Variants in PDE11A observed in about 807,000 individuals in gnomAD.
PDE11A encodes phosphodiesterase 11A.
A neutral mutation model predicts 100.5 loss-of-function variants in PDE11A; 100 were observed. That is an observed-to-expected ratio of 1.00 (90% CI 0.85 to 1.18). The LOEUF is 1.18. PDE11A is among the 50% of genes most tolerant of loss of function. The pLI is 0.00. For synonymous variants in PDE11A, 381 were observed against 420.8 expected (o/e 0.91, Z 1.16); for missense variants, 1,141 against 1,152.6 (o/e 0.99, Z 0.15).
chr2:177,835,745 C>T (rs1275805091), intron 6 of PDE11A, among the ~76,000 whole-genome samples: 1 of 152,198 alleles, frequency 6.6e-6, no homozygotes, highest in Non-Finnish European at 1.5e-5. Context: ...TGGGCGTGGG[C>T]TCCGCGGGCC....
At chr2:177,652,834 T>C (rs1468936770) in intron 19 of PDE11A, among the ~76,000 whole-genome samples, 1 of 152,246 alleles carries the variant, frequency 6.6e-6, no homozygotes, top group Non-Finnish European at 1.5e-5. Flanking sequence ...AGTTGTCTTT[T>C]GTTTCCTGCC....
At chr2:177,860,488 G>A (rs1323406411) in intron 5 of PDE11A, among the ~76,000 whole-genome samples, 1 of 151,868 alleles carries the variant, frequency 6.6e-6, no homozygotes, top group East Asian at 1.9e-4. Flanking sequence ...AGCTCAGGAA[G>A]AGATGGCTTC....
chr2:177,720,054 C>T (rs1345787872), intron 12 of PDE11A, among the ~76,000 whole-genome samples: 1 of 151,932 alleles, frequency 6.6e-6, no homozygotes, highest in East Asian at 1.9e-4. Flanking sequence ...GGGTGGATCA[C>T]GGTGGTCAGA....
chr2:177,889,849 A>G (rs1165407834), intron 4 of PDE11A, among the ~76,000 whole-genome samples: 1 of 151,688 alleles, frequency 6.6e-6, no homozygotes, highest in African/African-American at 2.4e-5. Context: ...ATCTCATTTC[A>G]TGGAAAACTT....
At chr2:178,007,798 G>A (rs71423541) in intron 2 of PDE11A, among the ~76,000 whole-genome samples, 8,458 of 152,028 alleles carry the variant, frequency 0.056, 297 homozygotes, top group South Asian at 0.093. Context: ...TCTGCCTCCC[G>A]GGTTCAAGCA....
chr2:178,011,992 T>A (rs1267000175), intron 2 of PDE11A: 3 of 152,268 alleles, frequency 2.0e-5, no homozygotes, highest in African/African-American at 7.2e-5. Flanking sequence ...AGATTTTGTC[T>A]TCTGCTTTTC....
chr2:178,095,375 C>T (rs986983012), intron 2 of PDE11A, among the ~76,000 whole-genome samples: 3 of 152,220 alleles, frequency 2.0e-5, no homozygotes, highest in Admixed American at 2.0e-4. Context: ...AAAATGATCT[C>T]CTTTGACTTC....
At chr2:178,042,356 T>C (rs1320542864) in intron 1 of PDE11A, among the ~76,000 whole-genome samples, 1 of 151,968 alleles carries the variant, frequency 6.6e-6, no homozygotes, top group Non-Finnish European at 1.5e-5. Context: ...CACACATTTG[T>C]AGTCCCAGCT....
rs146448234 is a variant in PDE11A at position 177,700,153 on chromosome 2, C to T, written c.2244+968G>A. 4.0e-3 allele frequency among the ~76,000 whole-genome samples: 608 copies of T among 152,228 alleles called. 5 individuals are homozygous for T. Among genetic ancestry groups the T allele is most frequent in the Middle Eastern group, 0.014 (4 of 294 alleles). ...AATTCCCAACTGAAAATACATCATT[C>T]CCAGCAGGTTTTCCCTTTCGCAGTC... On this transcript the variant is annotated intron_variant, in intron 14 of 19. Coordinates refer to ENST00000286063, the MANE Select transcript of PDE11A (RefSeq NM_016953.4).
rs76382679 is a variant in PDE11A, at chr2:177,819,395, T to A, written c.1576+825A>T. The stretch of plus-strand genomic sequence containing the variant: ...GCAAATGGATGCATTAGTTACCAAA[T>A]GAATTAGTGTTCTTACGTCTCTTAG... On this transcript the variant is annotated intron_variant, in intron 7 of 19. Coordinates refer to ENST00000286063, the MANE Select transcript of PDE11A (RefSeq NM_016953.4). Among the ~76,000 whole-genome samples, 1,351 of 152,216 alleles carry A rather than the reference T, an allele frequency of 8.9e-3. 13 individuals carry two copies. Among genetic ancestry groups the A allele is most frequent in the East Asian group, 0.059 (306 of 5,194 alleles).
chr2:178,013,876 G>T (rs2086301059), intron 2 of PDE11A, among the ~76,000 whole-genome samples: 2 of 152,104 alleles, frequency 1.3e-5, no homozygotes, highest in African/African-American at 4.8e-5. Context: ...TTTTTATTGA[G>T]ATTTTTATAT....
At chr2:177,795,612 C>T (rs541313395) in intron 9 of PDE11A, among the ~76,000 whole-genome samples, 107 of 152,122 alleles carry the variant, frequency 7.0e-4, no homozygotes, top group African/African-American at 2.5e-3. Flanking sequence ...AGTCAGGCCT[C>T]TCCTCTTTCC....
chr2:177,725,746 G>A (rs1178926728), intron 12 of PDE11A, among the ~76,000 whole-genome samples: 1 of 152,112 alleles, frequency 6.6e-6, no homozygotes, highest in South Asian at 2.1e-4. Flanking sequence ...ACCCACTGCA[G>A]AAAACTGGAT....
intron 1 of PDE11A, among the ~76,000 whole-genome samples, chr2:178,041,405 G>A (rs745681664): frequency 1.1e-4 from 17 of 151,612 alleles, no homozygotes; most frequent in African/African-American, 3.2e-4. Context: ...CACCACGCCC[G>A]GCTAATTTTT....
intron 9 of PDE11A, among the ~76,000 whole-genome samples, chr2:177,790,725 C>T (rs1436931943): frequency 1.3e-4 from 20 of 152,232 alleles, no homozygotes; most frequent in South Asian, 6.2e-4. Flanking sequence ...AAAAAGTGGG[C>T]GAAGGATATG....
chr2:177,990,732 T>TTCAGTAA (rs1559034283), intron 2 of PDE11A, among the ~76,000 whole-genome samples: 2 of 117,208 alleles, frequency 1.7e-5, no homozygotes, highest in Non-Finnish European at 3.6e-5. Context: ...AGCGAGACTC[T>TTCAGTAA]GTCTCAAAAA....
intron 10 of PDE11A, among the ~76,000 whole-genome samples, chr2:177,767,372 A>G (rs2082253419): frequency 6.6e-6 from 1 of 151,920 alleles, no homozygotes; most frequent in Admixed American, 6.6e-5. Context: ...GGCCTGCTAT[A>G]TCTCTGGGCA....
intron 12 of PDE11A, 89 bp downstream of exon 12, chr2:177,727,569 A>C: frequency 1.2e-6 from 1 of 850,430 alleles, no homozygotes; most frequent in South Asian, 1.3e-5. Context: ...TCACATGGTA[A>C]TTTTTCAGAG....
chr2:177,713,365 T>C (rs2081385280), intron 12 of PDE11A, among the ~76,000 whole-genome samples: 1 of 152,148 alleles, frequency 6.6e-6, no homozygotes, highest in Non-Finnish European at 1.5e-5. Flanking sequence ...GAAATACATA[T>C]AACTTCATTT....
Sources: gnomAD v4.1 joint callset for allele counts (sites outside exome capture counted in the v4.1 genomes callset) on GRCh38, gnomAD v4.1.1 for gene constraint, MANE v1.5 for transcripts, NCBI Gene and HGNC (gene_info 2026-07-23, HGNC 2026-07-21) for gene names.